The following CFDP1 variants were observed in gnomAD, a reference collection of about 807,000 sequenced individuals.
CFDP1 encodes the protein chromatin remodeling protein CFDP1.
Under a neutral mutation model 40.1 loss-of-function variants are expected in CFDP1, and 31 were observed. That is an observed-to-expected ratio of 0.77 (90% CI 0.58 to 1.04). The LOEUF (loss-of-function observed/expected upper bound fraction) is 1.04. Ranked by LOEUF, CFDP1 falls within the 50% of genes least tolerant of loss-of-function variation. The probability of loss-of-function intolerance (pLI) is 0.00; values close to 1 mark genes in which losing one functional copy is unlikely to be tolerated. For synonymous variants in CFDP1, 167 were observed against 120.0 expected, an observed-to-expected ratio of 1.39 and a Z score of -2.56; for missense variants, 423 against 343.4, an observed-to-expected ratio of 1.23 and a Z score of -1.83.
At chr16:75,419,199 C>T (rs945791141) in intron 1 of CFDP1, 7 of 172,542 alleles carry the variant, frequency 4.1e-5, no homozygotes, top group African/African-American at 7.1e-5. Context: ...AAGACCTGAA[C>T]ATTAAAACAG....
chr16:75,428,844 T>C (rs2079374371), intron 1 of CFDP1, among the ~76,000 whole-genome samples: 1 of 150,928 alleles, frequency 6.6e-6, no homozygotes, highest in Non-Finnish European at 1.5e-5. Flanking sequence ...AGGCCAGGCG[T>C]AGAGGCTCAC....
At chr16:75,335,798 C>T (rs538789041) in intron 5 of CFDP1, among the ~76,000 whole-genome samples, 4 of 152,120 alleles carry the variant, frequency 2.6e-5, no homozygotes, top group East Asian at 1.9e-4. Flanking sequence ...CCTTGTGATC[C>T]GCCCGCCTCG....
chr16:75,337,261 C>T (rs1281080018), intron 5 of CFDP1, among the ~76,000 whole-genome samples: 2 of 152,148 alleles, frequency 1.3e-5, no homozygotes, highest in African/African-American at 4.8e-5. Flanking sequence ...GAGCGAGGCC[C>T]GGCACAAAGG....
chr16:75,382,572 G>A (rs1000570851), intron 5 of CFDP1, among the ~76,000 whole-genome samples: 72 of 152,290 alleles, frequency 4.7e-4, no homozygotes, highest in African/African-American at 8.4e-4. Context: ...CTAAATCAGC[G>A]TGCCCTTTTG....
chr16:75,419,036 G>T, intron 1 of CFDP1: 1 of 407,078 alleles, frequency 2.5e-6, no homozygotes. Context: ...CCATCTACTG[G>T]GGAGGCTGAG....
intron 4 of CFDP1, among the ~76,000 whole-genome samples, chr16:75,410,441 A>G (rs552888201): frequency 6.6e-6 from 1 of 152,328 alleles, no homozygotes; most frequent in East Asian, 1.9e-4. Flanking sequence ...TGGTAAATAA[A>G]CCTTATTAAT....
At chr16:75,330,976 A>AC (rs1490824757) in intron 5 of CFDP1, among the ~76,000 whole-genome samples, 1 of 151,614 alleles carries the variant, frequency 6.6e-6, no homozygotes, top group Non-Finnish European at 1.5e-5. Context: ...AAAAAAAAAA[A>AC]AAAAAAAAAC....
At chr16:75,317,792 G>C (rs2151507802) in intron 5 of CFDP1, among the ~76,000 whole-genome samples, 1 of 152,246 alleles carries the variant, frequency 6.6e-6, no homozygotes, top group South Asian at 2.1e-4. Context: ...GAAAAGCTGA[G>C]GCAGAGTCAG....
At chr16:75,376,318 T>C (rs749821302) in intron 5 of CFDP1, among the ~76,000 whole-genome samples, 13 of 152,250 alleles carry the variant, frequency 8.5e-5, no homozygotes, top group Non-Finnish European at 1.9e-4. Flanking sequence ...TAAAAACATA[T>C]GTCTTCAAAA....
chr16:75,293,722 T>C lies in CFDP1; in HGVS notation c.*230A>G, dbSNP rs1336612233. 8 of 503,218 alleles carry C rather than the reference T, an allele frequency of 1.6e-5. No individual in the cohort carries two copies. The highest frequency in any genetic ancestry group is 2.5e-5 in the Non-Finnish European group (7 of 281,402). 31.2% of individuals were successfully genotyped at this position (503,218 alleles called of 1,614,324 possible). The stretch of plus-strand genomic sequence containing the variant: ...GTGAGCGAGGTCGTCATCTTCATTA[T>C]CCTCTCACAGGACCAACTTTTATTT... On this transcript the variant is annotated 3_prime_UTR_variant, in exon 7 of 7. Coordinates refer to ENST00000283882, the MANE Select transcript of CFDP1 (RefSeq NM_006324.3).
chr16:75,409,436 A>G (rs2079135930), intron 4 of CFDP1: 2 of 152,326 alleles, frequency 1.3e-5, no homozygotes, highest in East Asian at 1.9e-4. Context: ...CGCCGCCACA[A>G]AGAGAGGCAG....
At chr16:75,412,360 C>G (rs1392287592) in intron 3 of CFDP1, among the ~76,000 whole-genome samples, 175 bp downstream of exon 3, 1 of 152,154 alleles carries the variant, frequency 6.6e-6, no homozygotes, top group African/African-American at 2.4e-5. Flanking sequence ...CAGTTAAAGG[C>G]CTATTGGAAA....
At chr16:75,404,109 G>A (rs552162177) in intron 4 of CFDP1, among the ~76,000 whole-genome samples, 2 of 151,556 alleles carry the variant, frequency 1.3e-5, no homozygotes, top group African/African-American at 4.8e-5. Flanking sequence ...TCCAGCCTGG[G>A]CAACAGAGTA....
At chr16:75,381,047 T>G (rs138592893) in intron 5 of CFDP1, among the ~76,000 whole-genome samples, 1 of 152,116 alleles carries the variant, frequency 6.6e-6, no homozygotes, top group African/African-American at 2.4e-5. Context: ...CAGTGGCACG[T>G]AGAGTGGAGA....
intron 5 of CFDP1, among the ~76,000 whole-genome samples, chr16:75,359,025 G>C (rs1036169109): frequency 6.6e-6 from 1 of 152,152 alleles, no homozygotes; most frequent in Non-Finnish European, 1.5e-5. Flanking sequence ...TATCAAAACA[G>C]CTAGTAAAAT....
chr16:75,424,429 G>A (rs1289027044), intron 1 of CFDP1, among the ~76,000 whole-genome samples: 3 of 152,164 alleles, frequency 2.0e-5, no homozygotes, highest in Non-Finnish European at 4.4e-5. Context: ...CACATCAAGT[G>A]GTAAAACACT....
At chr16:75,408,803 T>C (rs2079128743) in intron 4 of CFDP1, among the ~76,000 whole-genome samples, 1 of 151,928 alleles carries the variant, frequency 6.6e-6, no homozygotes, top group South Asian at 2.1e-4. Context: ...AAAAATAGTG[T>C]TGATTCAAAG....
chr16:75,411,862 T>C lies in CFDP1; in HGVS notation c.493A>G (p.Ile165Val). Reference protein sequence around the residue: ...EKPKETEKVKITKVFDFAGEE... With the variant: ...EKPKETEKVKVTKVFDFAGEE... ...CCAGCAAAATCAAACACCTTGGTGA[T>C]TTTAACTTTTTCTGTTTCTTTAGGT... The change falls in exon 4 of 7, where the codon ATC becomes GTC. Residue 165 changes from isoleucine (I) to valine (V), a missense_variant. Transcript: ENST00000283882. 6.2e-7 allele frequency: 1 copy of C among 1,611,952 alleles called. No individual in the cohort carries two copies. The highest frequency in any genetic ancestry group is 8.5e-7 in the Non-Finnish European group (1 of 1,179,620).
chr16:75,398,748 G>C (rs1337801859), intron 4 of CFDP1, among the ~76,000 whole-genome samples: 1 of 151,304 alleles, frequency 6.6e-6, no homozygotes, highest in Non-Finnish European at 1.5e-5. Context: ...TCTGGCATCA[G>C]ACGTGGGAGT....
Sources: gnomAD v4.1 joint callset for allele counts (sites outside exome capture counted in the v4.1 genomes callset) on GRCh38, gnomAD v4.1.1 for gene constraint, MANE v1.5 for transcripts, NCBI Gene and HGNC (gene_info 2026-07-23, HGNC 2026-07-21) for gene names.